SLC4A4: variants seen among roughly 807,000 people sequenced by gnomAD.
The protein encoded by SLC4A4 is electrogenic sodium bicarbonate cotransporter 1.
SLC4A4 carries 27 observed loss-of-function variants against 111.5 expected under a neutral mutation model. The ratio of observed to expected loss-of-function variants is 0.24; its 90% confidence interval spans 0.18 to 0.33. The LOEUF is 0.33. SLC4A4 is among the 10% of genes least tolerant of loss of function. The probability of loss-of-function intolerance (pLI) is 1.00; values close to 1 mark genes in which losing one functional copy is unlikely to be tolerated. For missense variants in SLC4A4, 909 were observed against 1,315.5 expected (o/e 0.69, Z 4.78); for synonymous variants, 443 against 463.4 (o/e 0.96, Z 0.57).
At chr4:71,122,050 A>G (rs989852346) in intron 2 of SLC4A4, among the ~76,000 whole-genome samples, 1 of 152,158 alleles carries the variant, frequency 6.6e-6, no homozygotes, top group African/African-American at 2.4e-5. Flanking sequence ...CGAACCCACC[A>G]GAAGGAATAA....
intron 2 of SLC4A4, among the ~76,000 whole-genome samples, chr4:71,238,414 G>A (rs1275770231): frequency 6.6e-6 from 1 of 152,198 alleles, no homozygotes; most frequent in African/African-American, 2.4e-5. Context: ...CTGTAGCCAG[G>A]ATTCTTTAAG....
chr4:71,164,965 C>T (rs559106272), intron 2 of SLC4A4, among the ~76,000 whole-genome samples: 3 of 152,202 alleles, frequency 2.0e-5, no homozygotes, highest in Non-Finnish European at 4.4e-5. Context: ...CTCATCATCA[C>T]TGGTCATTAG....
chr4:71,206,804 T>G (rs34325551), intron 1 of SLC4A4, among the ~76,000 whole-genome samples: 18,083 of 151,092 alleles, frequency 0.12, 1,768 homozygotes, highest in African/African-American at 0.25. Context: ...TTTTGATTAT[T>G]ATTATTATTA....
chr4:71,408,441 T>C (rs910996126), intron 7 of SLC4A4, among the ~76,000 whole-genome samples: 1 of 152,190 alleles, frequency 6.6e-6, no homozygotes, highest in Non-Finnish European at 1.5e-5. Flanking sequence ...GGCTACTGCT[T>C]TTTTATTTTT....
At chr4:71,096,811 G>C (rs1742570111) in intron 2 of SLC4A4, among the ~76,000 whole-genome samples, 1 of 152,156 alleles carries the variant, frequency 6.6e-6, no homozygotes, top group African/African-American at 2.4e-5. Context: ...ACTGGATTTA[G>C]GGACAAGGCA....
chr4:71,236,676 TC>T, intron 2 of SLC4A4, 27 bp downstream of exon 2: 1 of 1,563,832 alleles, frequency 6.4e-7, no homozygotes, highest in Non-Finnish European at 8.8e-7. Flanking sequence ...TGGGAAAGTG[TC>T]TGTTGACATA....
At chr4:71,163,115 CA>C (rs1744652581) in intron 2 of SLC4A4, among the ~76,000 whole-genome samples, 1 of 152,156 alleles carries the variant, frequency 6.6e-6, no homozygotes, top group African/African-American at 2.4e-5. Context: ...ACATCAGATG[CA>C]TTATTTGGTC....
chr4:71,131,537 C>T (rs929113955), intron 2 of SLC4A4, among the ~76,000 whole-genome samples: 1 of 152,162 alleles, frequency 6.6e-6, no homozygotes, highest in Non-Finnish European at 1.5e-5. Flanking sequence ...TCAGAATAAG[C>T]AGCATTGTGC....
Position 71,547,635 on chromosome 4 carries a change from G to C in SLC4A4, c.2622-13G>C. On this transcript the variant is annotated splice_polypyrimidine_tract_variant and intron_variant, in intron 19 of 25. Coordinates refer to ENST00000264485, the MANE Select transcript of SLC4A4 (RefSeq NM_001098484.3). ...ACAAGAGGTAGATTGGTAATCTTTT[G>C]ATTTGGTTTCAGGGAACAAAGAGTC... 1 of 1,608,418 alleles carries C rather than the reference G, an allele frequency of 6.2e-7. No homozygotes were observed. The highest frequency in any genetic ancestry group is 8.5e-7 in the Non-Finnish European group (1 of 1,175,448).
At chr4:71,373,146 A>C (rs1732037968) in intron 6 of SLC4A4, among the ~76,000 whole-genome samples, 1 of 152,180 alleles carries the variant, frequency 6.6e-6, no homozygotes, top group Admixed American at 6.5e-5. Context: ...TAACAAGTTC[A>C]ATTCAACAGC....
At chr4:71,122,048 C>G (rs1202923868) in intron 2 of SLC4A4, among the ~76,000 whole-genome samples, 1 of 152,074 alleles carries the variant, frequency 6.6e-6, no homozygotes, top group Non-Finnish European at 1.5e-5. Context: ...CACGAACCCA[C>G]CAGAAGGAAT....
Position 71,447,693 on chromosome 4 carries a change from A to G in SLC4A4, c.1013A>G (p.His338Arg), listed in dbSNP as rs1469794133. 1.2e-6 allele frequency: 2 copies of G among 1,613,278 alleles called. No homozygotes were observed. Among genetic ancestry groups the G allele is most frequent in the Admixed American group, 1.7e-5 (1 of 59,982 alleles). ...LGPKGKAKSYHEIGRAIATLM... is the reference protein window; with the variant it reads ...LGPKGKAKSYREIGRAIATLM... ...CCTAAGGGGAAAGCCAAGTCCTACC[A>G]CGAGATTGGCAGAGCCATTGCCACC... The change falls in exon 9 of 26, where the codon CAC (histidine) becomes CGC (arginine). Residue 338 changes from histidine (H) to arginine (R), a missense_variant. His to Arg is a conservative substitution (Grantham distance 29). Around this residue, in one of 7 missense-constraint regions of SLC4A4, gnomAD observed 312 missense variants for 402.0 expected, o/e 0.78. Coordinates refer to ENST00000264485, the MANE Select transcript of SLC4A4 (RefSeq NM_001098484.3).
chr4:71,491,087 T>C (rs889467060), intron 15 of SLC4A4, among the ~76,000 whole-genome samples: 2 of 151,882 alleles, frequency 1.3e-5, no homozygotes, highest in Non-Finnish European at 2.9e-5. Context: ...TGATGGCCTC[T>C]CACAATTTTC....
intron 14 of SLC4A4, among the ~76,000 whole-genome samples, chr4:71,480,006 CA>C (rs1290672553): frequency 7.3e-6 from 1 of 136,958 alleles, no homozygotes; most frequent in African/African-American, 2.7e-5. Flanking sequence ...AAATTGGGGA[CA>C]AAATATGCCC....
chr4:71,199,038 C>T (rs927411511), intron 1 of SLC4A4, among the ~76,000 whole-genome samples: 2 of 152,142 alleles, frequency 1.3e-5, no homozygotes, highest in Non-Finnish European at 2.9e-5. Context: ...GGTGGTTATT[C>T]TCTCTTTACT....
chr4:71,313,139 C>A (rs769156880), intron 3 of SLC4A4, among the ~76,000 whole-genome samples: 11 of 152,088 alleles, frequency 7.2e-5, no homozygotes, highest in Non-Finnish European at 1.3e-4. Flanking sequence ...CAAAAATAGA[C>A]AAACAGAGAG....
chr4:71,179,886 A>T (rs181554077), intron 2 of SLC4A4, among the ~76,000 whole-genome samples: 1 of 152,194 alleles, frequency 6.6e-6, no homozygotes, highest in Admixed American at 6.5e-5. Flanking sequence ...AAGAGCCCAC[A>T]TTGCCAAGTC....
At position 71,555,178 on chromosome 4, in the gene SLC4A4, T is replaced by C. The variant is rs1012257277; in HGVS notation, c.2733T>C (p.Tyr911=). 1.9e-6 allele frequency: 3 copies of C among 1,610,426 alleles called. No homozygotes were observed. The highest frequency in any genetic ancestry group is 2.5e-6 in the Non-Finnish European group (3 of 1,177,280). ...CTGTACTCTATGGTGTGTTCCTGTATATGGGAGTAGCATCCCTTAATGGTG... is the reference window on the plus strand; with the variant it reads ...CTGTACTCTATGGTGTGTTCCTGTACATGGGAGTAGCATCCCTTAATGGTG... ...PMPVLYGVFL[Y]MGVASLNGVQ... The change falls in exon 21 of 26, where the codon TAT becomes TAC. Residue 911 remains tyrosine, a synonymous_variant. Transcript: ENST00000264485.
chr4:71,114,133 G>T (rs12331867), intron 2 of SLC4A4, among the ~76,000 whole-genome samples: 4,238 of 152,206 alleles, frequency 0.028, 77 homozygotes, highest in Middle Eastern at 0.058. Context: ...TGTAGTCCCA[G>T]CTACTCAGGA....
Sources: allele counts gnomAD v4.1 joint callset (sites outside exome capture counted in the v4.1 genomes callset), GRCh38; gene constraint gnomAD v4.1.1; regional missense constraint gnomAD v4.1.1; transcripts MANE v1.5; gene names NCBI Gene and HGNC (gene_info 2026-07-23, HGNC 2026-07-21).